The following LUZP2 variants were observed in gnomAD, a reference collection of about 807,000 sequenced individuals.
LUZP2 encodes the protein leucine zipper protein 2.
LUZP2 carries 52 observed loss-of-function variants against 51.6 expected under a neutral mutation model. That is an observed-to-expected ratio of 1.01 (90% confidence interval 0.81 to 1.27). The LOEUF (loss-of-function observed/expected upper bound fraction) is 1.27, where lower values mean the gene tolerates loss of function less well. LUZP2 is among the 50% of genes most tolerant of loss of function. LUZP2 has a pLI of 0.00. For missense variants in LUZP2, 436 were observed against 395.4 expected, an observed-to-expected ratio of 1.10 and a Z score of -0.87; for synonymous variants, 154 against 137.3, an observed-to-expected ratio of 1.12 and a Z score of -0.85.
chr11:24,795,943 CT>C (rs748634689), intron 5 of LUZP2, among the ~76,000 whole-genome samples: 10 of 152,114 alleles, frequency 6.6e-5, no homozygotes, highest in Non-Finnish European at 1.5e-4. Flanking sequence ...ACCAAACTCC[CT>C]ACTCTACTGT....
intron 10 of LUZP2, among the ~76,000 whole-genome samples, chr11:25,056,718 T>G (rs781444404): frequency 1.3e-5 from 2 of 152,252 alleles, no homozygotes; most frequent in Non-Finnish European, 2.9e-5. Context: ...CATGTATTAT[T>G]AATCCGTTGG....
chr11:25,001,383 A>G (rs1231369713), intron 9 of LUZP2, among the ~76,000 whole-genome samples: 1 of 152,186 alleles, frequency 6.6e-6, no homozygotes, highest in Non-Finnish European at 1.5e-5. Context: ...TAATCGCCTC[A>G]GAGGAACCAT....
chr11:24,919,984 A>T (rs972249130), intron 7 of LUZP2, among the ~76,000 whole-genome samples: 2 of 151,762 alleles, frequency 1.3e-5, no homozygotes, highest in African/African-American at 2.4e-5. Flanking sequence ...CAACCATGAC[A>T]AGTTGTGTTC....
intron 5 of LUZP2, among the ~76,000 whole-genome samples, chr11:24,779,913 T>G (rs1285968651): frequency 6.6e-6 from 1 of 151,872 alleles, no homozygotes; most frequent in South Asian, 2.1e-4. Flanking sequence ...GGGAGGGATG[T>G]GAATGTGGGC....
chr11:24,669,980 T>C (rs557169878), intron 1 of LUZP2, among the ~76,000 whole-genome samples: 2 of 152,210 alleles, frequency 1.3e-5, no homozygotes, highest in South Asian at 4.1e-4. Context: ...TGTATGTTTA[T>C]CTGGCTACAT....
At chr11:24,503,667 G>C (rs1850068349) in intron 1 of LUZP2, among the ~76,000 whole-genome samples, 1 of 152,162 alleles carries the variant, frequency 6.6e-6, no homozygotes, top group African/African-American at 2.4e-5. Context: ...CAATTTAGAG[G>C]TGAGAAAACT....
chr11:24,989,263 G>A (rs1180632368), intron 9 of LUZP2, among the ~76,000 whole-genome samples: 1 of 151,704 alleles, frequency 6.6e-6, no homozygotes, highest in Non-Finnish European at 1.5e-5. Flanking sequence ...TAGCAAATGG[G>A]GCTTTCAGTC....
chr11:25,000,009 A>G (rs889321897), intron 9 of LUZP2, among the ~76,000 whole-genome samples: 2 of 152,134 alleles, frequency 1.3e-5, no homozygotes, highest in Admixed American at 6.6e-5. Context: ...GGCCCCGCCC[A>G]TATCCTGCTG....
intron 1 of LUZP2, among the ~76,000 whole-genome samples, chr11:24,604,673 T>C (rs1853853628): frequency 6.6e-6 from 1 of 151,830 alleles, no homozygotes; most frequent in Non-Finnish European, 1.5e-5. Context: ...CTTTGTCCGG[T>C]GTATTTAACT....
rs2029194 is a variant in LUZP2, at chr11:24,711,322, T to C, written c.63-17847T>C. On this transcript the variant is annotated intron_variant, in intron 1 of 11. Transcript: ENST00000336930. ...AAAATTAGCCGGGTGTGGCGGCGGGTGCCTGCAGTCCCAGCTGCTGGGGAG... is the reference window on the plus strand; with the variant it reads ...AAAATTAGCCGGGTGTGGCGGCGGGCGCCTGCAGTCCCAGCTGCTGGGGAG... Among the ~76,000 whole-genome samples the C allele has an allele frequency of 1.4e-3, 208 of 151,562 alleles. 1 individual carries two copies. Among genetic ancestry groups the C allele is most frequent in the African/African-American group, 3.5e-3 (146 of 41,470 alleles).
chr11:25,029,119 T>C (rs528017160), intron 9 of LUZP2, among the ~76,000 whole-genome samples: 3 of 152,194 alleles, frequency 2.0e-5, no homozygotes, highest in African/African-American at 7.2e-5. Context: ...GAGGAGATGG[T>C]TAATGGCTAC....
intron 9 of LUZP2, among the ~76,000 whole-genome samples, chr11:25,001,174 A>T (rs1856672079): frequency 6.6e-6 from 1 of 152,168 alleles, no homozygotes; most frequent in Non-Finnish European, 1.5e-5. Context: ...ATTCTTTGCT[A>T]TTAATAAGAC....
chr11:24,984,030 A>G (rs1856117746), intron 9 of LUZP2, among the ~76,000 whole-genome samples: 1 of 151,742 alleles, frequency 6.6e-6, no homozygotes, highest in Non-Finnish European at 1.5e-5. Flanking sequence ...ACATTGAAAT[A>G]AATCCTGAGA....
chr11:24,835,015 T>C (rs1237028808), intron 5 of LUZP2, among the ~76,000 whole-genome samples: 2 of 152,154 alleles, frequency 1.3e-5, no homozygotes, highest in Non-Finnish European at 2.9e-5. Context: ...GATGGTCAGA[T>C]TGCAAAAGTT....
intron 5 of LUZP2, among the ~76,000 whole-genome samples, chr11:24,878,798 G>A (rs1469807848): frequency 2.6e-5 from 4 of 151,606 alleles, no homozygotes; most frequent in Non-Finnish European, 5.9e-5. Flanking sequence ...AGGCCCTGGT[G>A]TATGCTGTTC....
At chr11:24,966,753 A>G (rs1855594562) in intron 7 of LUZP2, among the ~76,000 whole-genome samples, 1 of 147,582 alleles carries the variant, frequency 6.8e-6, no homozygotes, top group African/African-American at 2.5e-5. Flanking sequence ...TTTACATTAT[A>G]TATTTTATAT....
At chr11:25,039,067 A>C (rs577426582) in intron 9 of LUZP2, among the ~76,000 whole-genome samples, 2 of 152,260 alleles carry the variant, frequency 1.3e-5, no homozygotes, top group Admixed American at 1.3e-4. Context: ...AACCCCCCTC[A>C]CCAGGTCCGC....
At chr11:25,076,733 CTTT>C (rs59989545) in intron 10 of LUZP2, among the ~76,000 whole-genome samples, 1 of 132,724 alleles carries the variant, frequency 7.5e-6, no homozygotes, top group Admixed American at 7.6e-5. Flanking sequence ...AAGTGGAATC[CTTT>C]TTTTTTTTTT....
intron 1 of LUZP2, among the ~76,000 whole-genome samples, chr11:24,645,864 T>C (rs1036111054): frequency 6.6e-6 from 1 of 151,782 alleles, no homozygotes; most frequent in Admixed American, 6.6e-5. Flanking sequence ...TGTGTGTGTG[T>C]ATCCTTAAAA....
Sources: gnomAD v4.1 joint callset for allele counts (sites outside exome capture counted in the v4.1 genomes callset) on GRCh38, gnomAD v4.1.1 for gene constraint, MANE v1.5 for transcripts, NCBI Gene and HGNC (gene_info 2026-07-23, HGNC 2026-07-21) for gene names.